The following EGFLAM variants were observed in gnomAD, a reference collection of about 807,000 sequenced individuals.
The protein encoded by EGFLAM is EGF like, fibronectin type III and laminin G domains, also known as pikachurin.
A neutral mutation model predicts 113.1 loss-of-function variants in EGFLAM; 79 were observed. The ratio of observed to expected loss-of-function variants is 0.70; its 90% CI spans 0.58 to 0.84. The LOEUF is 0.84. Among genes scored for constraint, EGFLAM ranks in the 40% least tolerant of loss-of-function variants. The probability of loss-of-function intolerance (pLI) is 0.00; values close to 1 mark genes in which losing one functional copy is unlikely to be tolerated. For missense variants in EGFLAM, 1,265 were observed against 1,291.6 expected (o/e 0.98, Z 0.32); for synonymous variants, 504 against 487.6 (o/e 1.03, Z -0.44).
intron 14 of EGFLAM, among the ~76,000 whole-genome samples, chr5:38,428,731 A>T (rs1742094815): frequency 6.6e-6 from 1 of 152,280 alleles, no homozygotes; most frequent in African/African-American, 2.4e-5. Flanking sequence ...TCACAAGCAC[A>T]TGGAACCCTT....
intron 1 of EGFLAM, among the ~76,000 whole-genome samples, chr5:38,269,404 C>T (rs1332387480): frequency 6.6e-6 from 1 of 152,002 alleles, no homozygotes; most frequent in Admixed American, 6.6e-5. Context: ...TTTTTAGACA[C>T]CACAGCCTTC....
chr5:38,365,885 C>T (rs867464627), intron 5 of EGFLAM, among the ~76,000 whole-genome samples: 1 of 152,054 alleles, frequency 6.6e-6, no homozygotes, highest in Non-Finnish European at 1.5e-5. Flanking sequence ...ACATTATGGT[C>T]CCTGATTGAG....
At chr5:38,420,877 A>G (rs1274538693) in intron 12 of EGFLAM, among the ~76,000 whole-genome samples, 2 of 152,188 alleles carry the variant, frequency 1.3e-5, no homozygotes, top group East Asian at 3.9e-4. Context: ...AGCTCCCTGG[A>G]TACAGCTATT....
intron 6 of EGFLAM, among the ~76,000 whole-genome samples, chr5:38,391,643 C>T (rs1038336303): frequency 4.6e-5 from 7 of 152,156 alleles, no homozygotes; most frequent in East Asian, 3.9e-4. Flanking sequence ...GTGATCCGCC[C>T]ACCTCGGCCT....
chr5:38,426,034 C>A (rs372601778), intron 13 of EGFLAM, among the ~76,000 whole-genome samples: 2 of 150,652 alleles, frequency 1.3e-5, no homozygotes, highest in African/African-American at 4.9e-5. Context: ...ACCCAGGAGG[C>A]GGAGGTTGCA....
intron 1 of EGFLAM, among the ~76,000 whole-genome samples, chr5:38,289,278 C>CA (rs956620773): frequency 6.6e-6 from 1 of 151,068 alleles, no homozygotes; most frequent in Non-Finnish European, 1.5e-5. Context: ...TTTCCCCGCC[C>CA]CCACATTTCA....
At chr5:38,413,185 ATTTTTT>A (rs34326457) in intron 11 of EGFLAM, among the ~76,000 whole-genome samples, 7 of 100,896 alleles carry the variant, frequency 6.9e-5, no homozygotes, top group South Asian at 3.3e-4. Context: ...TGCCTGGCTA[ATTTTTT>A]TTTTTTTTTT....
rs571429240 is a variant in EGFLAM, at chr5:38,287,563, G to C, written c.97+28712G>C. Among the ~76,000 whole-genome samples, 3 of 152,288 alleles carry C rather than the reference G, an allele frequency of 2.0e-5. No homozygotes were observed. The South Asian group carries it at 6.2e-4, about 32-fold the overall frequency. On this transcript the variant is annotated intron_variant, in intron 1 of 21. Coordinates refer to ENST00000322350, the MANE Select transcript of EGFLAM (RefSeq NM_152403.4). ...AGTTTTGTATTTTTTGTACAGATTGGGCTTCGCCATGTTTCTCAGGCTGGT... is the reference window on the plus strand; with the variant it reads ...AGTTTTGTATTTTTTGTACAGATTGCGCTTCGCCATGTTTCTCAGGCTGGT...
chr5:38,448,075 A>G (rs1003205939), intron 17 of EGFLAM, among the ~76,000 whole-genome samples: 1 of 152,196 alleles, frequency 6.6e-6, no homozygotes, highest in Admixed American at 6.5e-5. Context: ...GGCCAGAGGC[A>G]GGGACAATAC....
intron 1 of EGFLAM, among the ~76,000 whole-genome samples, chr5:38,261,979 C>A (rs914231069): frequency 6.6e-6 from 1 of 152,206 alleles, no homozygotes; most frequent in African/African-American, 2.4e-5. Context: ...CAGACCTTCA[C>A]GGTGTGGACA....
At chr5:38,423,934 G>A (rs1233176450) in intron 12 of EGFLAM, among the ~76,000 whole-genome samples, 1 of 152,158 alleles carries the variant, frequency 6.6e-6, no homozygotes, top group African/African-American at 2.4e-5. Context: ...GATTCATCCT[G>A]CCGAGATGAC....
At chr5:38,396,510 A>G (rs1740966460) in intron 6 of EGFLAM, among the ~76,000 whole-genome samples, 1 of 152,356 alleles carries the variant, frequency 6.6e-6, no homozygotes, top group Non-Finnish European at 1.5e-5. Context: ...CTCGTATAGA[A>G]AACATTCACT....
chr5:38,307,623 T>C (rs1009469311), intron 1 of EGFLAM, among the ~76,000 whole-genome samples: 2 of 152,222 alleles, frequency 1.3e-5, no homozygotes, highest in Non-Finnish European at 2.9e-5. Context: ...GACTAATCCA[T>C]ACCTGGTGTA....
rs182395544 is a variant in EGFLAM at position 38,395,043 on chromosome 5, C to T, written c.713-11083C>T. On this transcript the variant is annotated intron_variant, in intron 6 of 21. Transcript: ENST00000322350. ...ACAACCTTCGCCTCCCGGATTCAAG[C>T]GATTTTCCTGTCTCAGCCTCCTGAG... Among the ~76,000 whole-genome samples the T allele has an allele frequency of 9.2e-5, 14 of 152,040 alleles. No homozygotes were observed. In the East Asian group the frequency reaches 2.3e-3, roughly 25 times the overall value.
chr5:38,366,903 A>G (rs1740075219), intron 5 of EGFLAM, among the ~76,000 whole-genome samples: 1 of 152,222 alleles, frequency 6.6e-6, no homozygotes. Context: ...CTGGATTCTA[A>G]CAATGCCAAT....
intron 18 of EGFLAM, among the ~76,000 whole-genome samples, chr5:38,449,599 G>A (rs1022127516): frequency 6.6e-6 from 1 of 152,114 alleles, no homozygotes; most frequent in Non-Finnish European, 1.5e-5. Flanking sequence ...GGCTTGATGA[G>A]AGCAGGAGAC....
chr5:38,452,771 C>A lies in EGFLAM; in HGVS notation c.2687+1313C>A, dbSNP rs571117644. ...ACCCAACATGAGAGTTTTGTAAATA[C>A]TTCTTGGGTGTTACCGATAACGCAG... On this transcript the variant is annotated intron_variant, in intron 19 of 21. Coordinates refer to ENST00000322350, the MANE Select transcript of EGFLAM (RefSeq NM_152403.4). Among the ~76,000 whole-genome samples, 5 of 152,310 alleles carry A rather than the reference C, an allele frequency of 3.3e-5. No individual in the cohort carries two copies. In the South Asian group the frequency reaches 1.0e-3, roughly 32 times the overall value.
chr5:38,342,350 T>G (rs1459642680), intron 3 of EGFLAM, among the ~76,000 whole-genome samples: 3 of 152,212 alleles, frequency 2.0e-5, no homozygotes, highest in Non-Finnish European at 4.4e-5. Flanking sequence ...CTCCCCCTCC[T>G]TTTACCTCCT....
chr5:38,291,778 T>A lies in EGFLAM; in HGVS notation c.97+32927T>A, dbSNP rs183884987. Among the ~76,000 whole-genome samples, 13 of 152,290 alleles carry A rather than the reference T, an allele frequency of 8.5e-5. No individual in the cohort carries two copies. The East Asian group carries it at 1.7e-3, about 20-fold the overall frequency. On this transcript the variant is annotated intron_variant, in intron 1 of 21. Transcript: ENST00000322350. ...TTCAGGGCTAGAAAAAGGAAGCAAC[T>A]CTTCAGGGCTGTCACCTGGTATTCA...
Sources: gnomAD v4.1 joint callset for allele counts (sites outside exome capture counted in the v4.1 genomes callset) on GRCh38, gnomAD v4.1.1 for gene constraint, MANE v1.5 for transcripts, NCBI Gene and HGNC (gene_info 2026-07-23, HGNC 2026-07-21) for gene names.